TTC39C: variants seen among roughly 807,000 people sequenced by gnomAD.
TTC39C encodes the protein tetratricopeptide repeat domain 39C.
Under a neutral mutation model 76.3 loss-of-function variants are expected in TTC39C, and 33 were observed. The ratio of observed to expected loss-of-function variants is 0.43; its 90% CI spans 0.33 to 0.58. The LOEUF is 0.58. TTC39C is among the 20% of genes least tolerant of loss of function. The pLI is 0.04. For synonymous variants in TTC39C, 254 were observed against 260.6 expected (o/e 0.97, Z 0.24); for missense variants, 595 against 701.4 (o/e 0.85, Z 1.71).
intron 1 of TTC39C, among the ~76,000 whole-genome samples, chr18:24,043,595 G>A (rs1298932353): frequency 7.9e-5 from 12 of 152,172 alleles, no homozygotes; most frequent in Non-Finnish European, 1.6e-4. Flanking sequence ...AGCCCTTCTC[G>A]TCTGCCGCCT....
intron 1 of TTC39C, among the ~76,000 whole-genome samples, chr18:24,003,671 A>T (rs2083330607): frequency 6.9e-6 from 1 of 144,376 alleles, no homozygotes; most frequent in South Asian, 2.4e-4. Context: ...TGAAAAAAAA[A>T]AGCTCTCTAA....
chr18:24,110,994 C>CTTT (rs146269943), intron 6 of TTC39C, among the ~76,000 whole-genome samples: 1 of 144,130 alleles, frequency 6.9e-6, no homozygotes, highest in Non-Finnish European at 1.5e-5. Context: ...CAGAGAAAGA[C>CTTT]TTTTTTTTTT....
At chr18:24,020,100 A>G in intron 1 of TTC39C, 1 of 1,284,038 alleles carries the variant, frequency 7.8e-7, no homozygotes, top group Non-Finnish European at 9.8e-7. Context: ...ACAGATGCAG[A>G]GATGTAAGAA....
At chr18:24,005,533 C>A (rs1327909916) in intron 1 of TTC39C, among the ~76,000 whole-genome samples, 2 of 151,998 alleles carry the variant, frequency 1.3e-5, no homozygotes, top group Admixed American at 6.6e-5. Flanking sequence ...AATTTATATA[C>A]ACAAAAGTCA....
chr18:24,009,035 G>A (rs540514177), intron 1 of TTC39C, among the ~76,000 whole-genome samples: 2 of 152,152 alleles, frequency 1.3e-5, no homozygotes, highest in East Asian at 3.9e-4. Flanking sequence ...AACCACAGAC[G>A]CCAGGGTCTG....
At chr18:24,031,224 C>T (rs1318270185) in intron 1 of TTC39C, among the ~76,000 whole-genome samples, 1 of 151,870 alleles carries the variant, frequency 6.6e-6, no homozygotes, top group Non-Finnish European at 1.5e-5. Context: ...TCCCAAAGTG[C>T]TGGGATTACA....
rs527329902 is a variant in TTC39C, at chr18:24,023,605, G to A, written c.167+8567G>A. On this transcript the variant is annotated intron_variant, in intron 1 of 13. Transcript: ENST00000317571. ...CCCATCTGATCCCTTGCAGGGCTCT[G>A]GGGTACCCCTAGGGGGTGGTGCTAT... Among the ~76,000 whole-genome samples the A allele has an allele frequency of 1.2e-4, 18 of 152,084 alleles. No homozygotes were observed. In the South Asian group the frequency reaches 3.7e-3, roughly 32 times the overall value.
At chr18:24,030,804 A>G (rs916790043) in intron 1 of TTC39C, among the ~76,000 whole-genome samples, 7 of 151,814 alleles carry the variant, frequency 4.6e-5, no homozygotes, top group African/African-American at 1.7e-4. Flanking sequence ...ATAGGCACCC[A>G]CCACTACGCC....
At chr18:24,063,969 C>T (rs1389930583) in intron 1 of TTC39C, among the ~76,000 whole-genome samples, 171 bp from the exon 2 acceptor site, 3 of 152,206 alleles carry the variant, frequency 2.0e-5, no homozygotes, top group African/African-American at 7.2e-5. Context: ...CATAAACCAC[C>T]TTGCCTCTTT....
chr18:24,036,796 T>C (rs1304059695), intron 1 of TTC39C, among the ~76,000 whole-genome samples: 2 of 152,122 alleles, frequency 1.3e-5, no homozygotes, highest in African/African-American at 4.8e-5. Flanking sequence ...TACACCTGGC[T>C]AATTTTTGTA....
At chr18:24,009,565 G>A (rs1208154388) in intron 1 of TTC39C, among the ~76,000 whole-genome samples, 1 of 152,178 alleles carries the variant, frequency 6.6e-6, no homozygotes, top group Non-Finnish European at 1.5e-5. Context: ...AAGGAGATGG[G>A]TTAAAGGGAA....
chr18:24,130,253 A>G, intron 11 of TTC39C, 60 bp from the exon 12 acceptor site: 3 of 890,288 alleles, frequency 3.4e-6, no homozygotes, highest in Non-Finnish European at 5.1e-6. Flanking sequence ...TGAAGATTAT[A>G]ATAAGCCTTA....
At chr18:24,070,345 A>G (rs2084222113) in intron 4 of TTC39C, among the ~76,000 whole-genome samples, 2 of 152,154 alleles carry the variant, frequency 1.3e-5, no homozygotes, top group South Asian at 4.1e-4. Flanking sequence ...ACAATACCTT[A>G]CTTATATGGT....
intron 6 of TTC39C, among the ~76,000 whole-genome samples, chr18:24,085,248 C>T (rs560764462): frequency 6.6e-6 from 1 of 152,302 alleles, no homozygotes; most frequent in East Asian, 1.9e-4. Context: ...TTGTGTGCAG[C>T]AGGGCAGTGA....
intron 1 of TTC39C, among the ~76,000 whole-genome samples, chr18:24,028,391 T>G (rs917311111): frequency 2.0e-5 from 3 of 152,196 alleles, no homozygotes; most frequent in Non-Finnish European, 4.4e-5. Context: ...TAACTTGAAA[T>G]TGGGATCTTT....
At chr18:24,032,883 G>C (rs532581969) in intron 1 of TTC39C, among the ~76,000 whole-genome samples, 2 of 152,364 alleles carry the variant, frequency 1.3e-5, no homozygotes, top group Non-Finnish European at 2.9e-5. Flanking sequence ...TAGAAAAACA[G>C]AAAAGTAAAA....
intron 6 of TTC39C, among the ~76,000 whole-genome samples, chr18:24,108,556 T>G (rs1031223014): frequency 1.3e-5 from 2 of 152,246 alleles, no homozygotes; most frequent in Non-Finnish European, 2.9e-5. Flanking sequence ...CCAGGCTTCA[T>G]GTGTTGACTG....
rs999473115 is a variant in TTC39C at position 24,125,282 on chromosome 18, A to G, written c.1297-145A>G. 4.9e-5 allele frequency: 53 copies of G among 1,082,634 alleles called. No individual in the cohort carries two copies. In the South Asian group the frequency reaches 4.9e-4, roughly 10 times the overall value. The allele number at this position is 1,082,634 out of a possible 1,614,324, so 67.1% of individuals were successfully genotyped here. A position where few individuals can be genotyped will look rare whatever the true frequency, so the allele number is the denominator to read the frequency against. On this transcript the variant is annotated intron_variant, in intron 9 of 13. Coordinates refer to ENST00000317571, the MANE Select transcript of TTC39C (RefSeq NM_001135993.2). ...AAAAATTGAAAGCAACATTTTTTAT[A>G]GAGAGAAGAATTGTTATTCTTAGCT...
At chr18:24,105,402 G>A (rs936400658) in intron 6 of TTC39C, among the ~76,000 whole-genome samples, 1 of 152,176 alleles carries the variant, frequency 6.6e-6, no homozygotes, top group Non-Finnish European at 1.5e-5. Flanking sequence ...CTGATCATCG[G>A]GTATTTATAC....
Sources: allele counts gnomAD v4.1 joint callset (sites outside exome capture counted in the v4.1 genomes callset), GRCh38; gene constraint gnomAD v4.1.1; transcripts MANE v1.5; gene names NCBI Gene and HGNC (gene_info 2026-07-23, HGNC 2026-07-21).